The following KCNMA1 variants were observed in gnomAD, a reference collection of about 807,000 sequenced individuals.
KCNMA1 encodes Calcium-activated potassium channel subunit alpha-1.
Under a neutral mutation model 140.0 loss-of-function variants are expected in KCNMA1, and 29 were observed. The observed-to-expected ratio is 0.21, with a 90% CI of 0.15 to 0.28. The LOEUF is 0.28. KCNMA1 is among the 10% of genes least tolerant of loss of function. KCNMA1 has a pLI of 1.00. For synonymous variants in KCNMA1, 612 were observed against 611.9 expected, an observed-to-expected ratio of 1.00 and a Z score of 0.00; for missense variants, 880 against 1,602.2, an observed-to-expected ratio of 0.55 and a Z score of 7.70.
At chr10:77,278,610 T>A (rs2067389967) in intron 2 of KCNMA1, among the ~76,000 whole-genome samples, 1 of 152,194 alleles carries the variant, frequency 6.6e-6, no homozygotes, top group African/African-American at 2.4e-5. Flanking sequence ...AAATTTGTAA[T>A]GGCAGTGAAG....
chr10:77,307,126 A>G (rs1284774012), intron 2 of KCNMA1, among the ~76,000 whole-genome samples: 1 of 152,178 alleles, frequency 6.6e-6, no homozygotes, highest in Admixed American at 6.5e-5. Context: ...CCTCAGTTCA[A>G]AGGTCATCAA....
chr10:77,150,844 C>T (rs2098404431), intron 5 of KCNMA1, among the ~76,000 whole-genome samples: 1 of 152,100 alleles, frequency 6.6e-6, no homozygotes, highest in East Asian at 1.9e-4. Flanking sequence ...TTACCTTAGA[C>T]AAGTCATGTT....
intron 16 of KCNMA1, chr10:77,019,402 T>A: frequency 3.0e-6 from 1 of 335,688 alleles, no homozygotes; most frequent in Non-Finnish European, 5.5e-6. Flanking sequence ...CATGGGCACA[T>A]GATTTGAAGC....
intron 20 of KCNMA1, among the ~76,000 whole-genome samples, chr10:76,961,078 A>G (rs983939810): frequency 2.6e-5 from 4 of 151,700 alleles, no homozygotes; most frequent in African/African-American, 9.7e-5. Flanking sequence ...TTAATAAGCT[A>G]TCACTGCCAT....
intron 8 of KCNMA1, among the ~76,000 whole-genome samples, chr10:77,109,304 CAGAG>C (rs896267320): frequency 2.0e-5 from 3 of 152,168 alleles, no homozygotes; most frequent in African/African-American, 2.4e-5. Flanking sequence ...GCATACAAAA[CAGAG>C]AGAGGTGTAT....
intron 5 of KCNMA1, among the ~76,000 whole-genome samples, chr10:77,179,970 G>A (rs1026272571): frequency 1.3e-5 from 2 of 152,182 alleles, no homozygotes; most frequent in Non-Finnish European, 2.9e-5. Flanking sequence ...TATACAACAC[G>A]CAATCATATG....
In KCNMA1 at chr10:77,627,177, G is replaced by C. The variant is rs543752915; in HGVS notation, c.378+10088C>G. On this transcript the variant is annotated intron_variant, in intron 1 of 27. Transcript: ENST00000286628. ...CTGTATTCAAGTGATGCAAAAAGAGGTTCAAGAGCACTGTCTGTCTCCCTA... is the reference window on the plus strand; with the variant it reads ...CTGTATTCAAGTGATGCAAAAAGAGCTTCAAGAGCACTGTCTGTCTCCCTA... 1.1e-3 allele frequency among the ~76,000 whole-genome samples: 163 copies of C among 152,300 alleles called. 5 individuals are homozygous for C. The highest frequency in any genetic ancestry group is 9.5e-3 in the South Asian group (46 of 4,828).
intron 1 of KCNMA1, among the ~76,000 whole-genome samples, chr10:77,631,411 G>C (rs78263320): frequency 2.0e-5 from 3 of 152,312 alleles, no homozygotes; most frequent in Non-Finnish European, 4.4e-5. Context: ...TTCCCCACAC[G>C]GCCCAGGGCC....
intron 1 of KCNMA1, among the ~76,000 whole-genome samples, chr10:77,446,802 C>G (rs2097537431): frequency 6.6e-6 from 1 of 152,240 alleles, no homozygotes; most frequent in Non-Finnish European, 1.5e-5. Context: ...AGGTGACAGC[C>G]TCTCTGCCCA....
downstream of KCNMA1, among the ~76,000 whole-genome samples, chr10:76,882,526 G>A (rs1012095133): frequency 1.3e-5 from 2 of 152,090 alleles, no homozygotes; most frequent in African/African-American, 2.4e-5. Flanking sequence ...TCCTCTCTGT[G>A]AGCAAAGTAT....
intron 3 of KCNMA1, chr10:77,250,922 T>C (rs2154251409): frequency 2.3e-6 from 1 of 438,874 alleles, no homozygotes; most frequent in Middle Eastern, 6.6e-4. Context: ...AATACATCAT[T>C]AGGAAACAGC....
chr10:77,550,130 T>C (rs1366293308), intron 1 of KCNMA1, among the ~76,000 whole-genome samples: 1 of 152,108 alleles, frequency 6.6e-6, no homozygotes, highest in Non-Finnish European at 1.5e-5. Context: ...CATCTGGTCC[T>C]TCACCACCAG....
chr10:77,303,883 T>G (rs2077079002), intron 2 of KCNMA1, among the ~76,000 whole-genome samples: 2 of 152,242 alleles, frequency 1.3e-5, no homozygotes, highest in African/African-American at 4.8e-5. Context: ...AGACGCTCAT[T>G]GTCAGCTCCG....
chr10:77,253,907 G>C (rs2154255543), intron 2 of KCNMA1, among the ~76,000 whole-genome samples: 1 of 152,216 alleles, frequency 6.6e-6, no homozygotes, highest in East Asian at 1.9e-4. Context: ...CCAGATCCAG[G>C]TGCTGCAGAA....
intron 1 of KCNMA1, among the ~76,000 whole-genome samples, chr10:77,571,476 T>A (rs1020554712): frequency 3.9e-5 from 6 of 152,216 alleles, no homozygotes; most frequent in Non-Finnish European, 7.3e-5. Context: ...CAAACTTGCA[T>A]GAAGGCAGAC....
chr10:77,224,586 C>T (rs562359645), intron 3 of KCNMA1, among the ~76,000 whole-genome samples: 1 of 152,254 alleles, frequency 6.6e-6, no homozygotes, highest in East Asian at 1.9e-4. Context: ...CAGGACCCCA[C>T]TCAGGCACCA....
chr10:77,151,074 G>A (rs1460606341), intron 5 of KCNMA1, among the ~76,000 whole-genome samples: 1 of 151,802 alleles, frequency 6.6e-6, no homozygotes, highest in Non-Finnish European at 1.5e-5. Flanking sequence ...TCATAAATCT[G>A]CAGTTTCTTT....
At chr10:76,879,746 A>G (rs1260058379) in intron 29 of KCNMA1, among the ~76,000 whole-genome samples, 1 of 152,210 alleles carries the variant, frequency 6.6e-6, no homozygotes, top group Non-Finnish European at 1.5e-5. Flanking sequence ...CATTTAAAAA[A>G]CCATTTAGTT....
At chr10:77,338,795 C>T (rs2090033377) in intron 2 of KCNMA1, among the ~76,000 whole-genome samples, 1 of 152,308 alleles carries the variant, frequency 6.6e-6, no homozygotes, top group Non-Finnish European at 1.5e-5. Context: ...TCAGAACTGC[C>T]ATTGGGCATC....
Sources: gnomAD v4.1 joint callset for allele counts (sites outside exome capture counted in the v4.1 genomes callset) on GRCh38, gnomAD v4.1.1 for gene constraint, MANE v1.5 for transcripts, NCBI Gene and HGNC (gene_info 2026-07-23, HGNC 2026-07-21) for gene names.